The following TBCE variants were observed in gnomAD, a reference collection of about 807,000 sequenced individuals.
TBCE encodes the protein tubulin-specific chaperone E.
Under a neutral mutation model 77.0 loss-of-function variants are expected in TBCE, and 53 were observed. The ratio of observed to expected loss-of-function variants is 0.69; its 90% CI spans 0.55 to 0.87. The LOEUF (loss-of-function observed/expected upper bound fraction) is 0.87. TBCE is among the 40% of genes least tolerant of loss of function. TBCE has a pLI of 0.00. For synonymous variants in TBCE, 235 were observed against 241.3 expected (o/e 0.97, Z 0.24); for missense variants, 624 against 622.4 (o/e 1.00, Z -0.03).
At chr1:235,370,538 A>G (rs1158020839) in intron 1 of TBCE, among the ~76,000 whole-genome samples, 1 of 146,610 alleles carries the variant, frequency 6.8e-6, no homozygotes, top group African/African-American at 2.6e-5. Context: ...GGCGTGAGCC[A>G]CTGCACCCGG....
chr1:235,385,373 G>A (rs144034162), intron 2 of TBCE, among the ~76,000 whole-genome samples: 23,772 of 151,810 alleles, frequency 0.16, 2,504 homozygotes, highest in African/African-American at 0.3. Context: ...GGCTATCCTT[G>A]TTAACTTTCT....
chr1:235,419,098 T>A (rs879892378), intron 4 of TBCE: 1 of 321,944 alleles, frequency 3.1e-6, no homozygotes, highest in East Asian at 7.9e-5. Flanking sequence ...TCCCAGCTAC[T>A]GGGGAGGCTG....
rs531266735 is a variant in TBCE, at chr1:235,372,690, C to T, written c.-32+5186C>T. 1.1e-3 allele frequency among the ~76,000 whole-genome samples: 170 copies of T among 151,710 alleles called. 2 individuals are homozygous for T. The highest frequency in any genetic ancestry group is 3.8e-3 in the African/African-American group (156 of 41,370). On this transcript the variant is annotated intron_variant, in intron 1 of 16. Coordinates refer to ENST00000642610, the MANE Select transcript of TBCE (RefSeq NM_003193.5). Reference sequence around the variant, plus strand: ...CTGTAATTCCAGCACTTTGGGAGGCCGAGGCGGGCGGATCTCGAGGTCAGG... The same window carrying T: ...CTGTAATTCCAGCACTTTGGGAGGCTGAGGCGGGCGGATCTCGAGGTCAGG...
intron 2 of TBCE, among the ~76,000 whole-genome samples, chr1:235,395,296 T>G (rs1325491066): frequency 6.6e-6 from 1 of 152,172 alleles, no homozygotes; most frequent in African/African-American, 2.4e-5. Context: ...ATATAATACA[T>G]AATAATCACA....
Position 235,436,412 on chromosome 1 carries a change from C to A in TBCE, c.860C>A (p.Thr287Asn), listed in dbSNP as rs1408545045. ...TTAGAACAATTAATCCTCTCTGACACTGGAATTTCTTCTCTACATTTTCCG... is the reference window on the plus strand; with the variant it reads ...TTAGAACAATTAATCCTCTCTGACAATGGAATTTCTTCTCTACATTTTCCG... Reference protein sequence around the residue: ...PRLEQLILSDTGISSLHFPDA... With the variant: ...PRLEQLILSDNGISSLHFPDA... Residue 287 changes from threonine (T) to asparagine (N), a missense_variant, in exon 10 of 17, where the codon ACT becomes AAT. Transcript: ENST00000642610. The A allele has an allele frequency of 6.2e-7, 1 of 1,613,902 alleles. No individual in the cohort carries two copies. The highest frequency in any genetic ancestry group is 8.5e-7 in the Non-Finnish European group (1 of 1,179,952).
chr1:235,380,807 C>T lies in TBCE; in HGVS notation c.100+658C>T, dbSNP rs139126751. 4.8e-3 allele frequency among the ~76,000 whole-genome samples: 734 copies of T among 152,198 alleles called. 8 individuals carry two copies. Among genetic ancestry groups the T allele is most frequent in the African/African-American group, 0.017 (687 of 41,552 alleles). ...TGACTGTTTTCTGTGTATTTTGAGACAGAGTTTCGCTCTTGTTATTCAGGC... is the reference window on the plus strand; with the variant it reads ...TGACTGTTTTCTGTGTATTTTGAGATAGAGTTTCGCTCTTGTTATTCAGGC... On this transcript the variant is annotated intron_variant, in intron 2 of 16. Transcript: ENST00000642610.
intron 2 of TBCE, among the ~76,000 whole-genome samples, chr1:235,396,985 T>TA (rs58620855): frequency 1.3e-5 from 2 of 151,712 alleles, no homozygotes; most frequent in Non-Finnish European, 2.9e-5. Context: ...TTTATTTATT[T>TA]TTCTTTTGAG....
intron 3 of TBCE, among the ~76,000 whole-genome samples, chr1:235,408,275 A>G (rs1170692294): frequency 6.6e-6 from 1 of 152,198 alleles, no homozygotes; most frequent in African/African-American, 2.4e-5. Context: ...TATTGTATGT[A>G]CCCACAAAAA....
intron 1 of TBCE, among the ~76,000 whole-genome samples, chr1:235,370,441 T>G (rs556672514): frequency 4.7e-4 from 72 of 151,798 alleles, no homozygotes; most frequent in Middle Eastern, 3.4e-3. Context: ...TTAGTAGAGA[T>G]GGGGTTTCAC....
At chr1:235,411,925 G>A (rs1378955909) in intron 3 of TBCE, among the ~76,000 whole-genome samples, 2 of 151,732 alleles carry the variant, frequency 1.3e-5, no homozygotes, top group Non-Finnish European at 1.5e-5. Flanking sequence ...ACTCACCCTC[G>A]CTGGGCTTTG....
intron 3 of TBCE, among the ~76,000 whole-genome samples, chr1:235,413,004 T>C (rs530427878): frequency 1.3e-5 from 2 of 151,938 alleles, no homozygotes; most frequent in African/African-American, 4.8e-5. Flanking sequence ...GGTTTCTTCA[T>C]GTTGGTCAGG....
chr1:235,420,434 C>T (rs1680338239), intron 5 of TBCE, among the ~76,000 whole-genome samples: 1 of 151,688 alleles, frequency 6.6e-6, no homozygotes, highest in Non-Finnish European at 1.5e-5. Context: ...TCTGCCCTAG[C>T]CTCCCAAGTA....
intron 3 of TBCE, among the ~76,000 whole-genome samples, chr1:235,408,186 G>C (rs1447987508): frequency 1.3e-5 from 2 of 152,182 alleles, no homozygotes; most frequent in African/African-American, 2.4e-5. Flanking sequence ...ATAAGTGTTT[G>C]AAAGAAAGGA....
chr1:235,401,601 A>T lies in TBCE; in HGVS notation c.185+14A>T, dbSNP rs1015246032. On this transcript the variant is annotated intron_variant, in intron 3 of 16. Coordinates refer to ENST00000642610, the MANE Select transcript of TBCE (RefSeq NM_003193.5). ...TTTTAAATGCAGGTAACTTTTCATT[A>T]TGAATCAGCACGGTCATTTAGTCAA... 6.3e-7 allele frequency: 1 copy of T among 1,599,004 alleles called. No homozygotes were observed. Among genetic ancestry groups the T allele is most frequent in the Non-Finnish European group, 8.6e-7 (1 of 1,166,540 alleles).
intron 13 of TBCE, among the ~76,000 whole-genome samples, chr1:235,439,219 C>T (rs566625523): frequency 2.6e-5 from 4 of 151,540 alleles, no homozygotes; most frequent in South Asian, 2.1e-4. Context: ...TGGCCGGGCG[C>T]GGTGGCTCAG....
intron 8 of TBCE, 85 bp downstream of exon 8, chr1:235,434,365 AT>A: frequency 8.2e-7 from 1 of 1,225,838 alleles, no homozygotes; most frequent in Non-Finnish European, 1.2e-6. Context: ...TCTAACCTTA[AT>A]TTTTAGAAGG....
In TBCE at chr1:235,437,214, C is replaced by T. The variant is rs184707974; in HGVS notation, c.964-108C>T. ...ATTGCTTAGTGCATGATGAAATTCC[C>T]TGCCTCAGATTAGAACTAGGGACAT... On this transcript the variant is annotated intron_variant, in intron 11 of 16. Transcript: ENST00000642610. The T allele has an allele frequency of 2.8e-5, 39 of 1,369,272 alleles. No individual in the cohort carries two copies. The African/African-American group carries it at 3.4e-4, about 12-fold the overall frequency. The allele number at this position is 1,369,272 out of a possible 1,614,324, so 84.8% of individuals were successfully genotyped here. A position where few individuals can be genotyped will look rare whatever the true frequency, so the allele number is the denominator to read the frequency against.
At chr1:235,371,038 CTTTTTTTTTTTTTT>C (rs71174417) in intron 1 of TBCE, among the ~76,000 whole-genome samples, 36 of 23,310 alleles carry the variant, frequency 1.5e-3, no homozygotes, top group South Asian at 5.2e-3. Flanking sequence ...TCACGCCTGG[CTTTTTTTTTTTTTT>C]TTTTTTTTTT....
intron 4 of TBCE, chr1:235,415,480 A>T (rs1018450340): frequency 3.3e-5 from 5 of 152,312 alleles, no homozygotes; most frequent in African/African-American, 7.2e-5. Context: ...TACTGTGGTG[A>T]GTGACTTGGA....
Sources: gnomAD v4.1 joint callset for allele counts (sites outside exome capture counted in the v4.1 genomes callset) on GRCh38, gnomAD v4.1.1 for gene constraint, MANE v1.5 for transcripts, NCBI Gene and HGNC (gene_info 2026-07-23, HGNC 2026-07-21) for gene names.